The following USP3 variants were observed in gnomAD, a reference collection of about 807,000 sequenced individuals.
USP3 encodes the protein ubiquitin carboxyl-terminal hydrolase 3.
Under a neutral mutation model 72.3 loss-of-function variants are expected in USP3, and 20 were observed. The observed-to-expected ratio is 0.28, with a 90% CI of 0.19 to 0.40. The LOEUF (loss-of-function observed/expected upper bound fraction) is 0.40, where lower values mean the gene tolerates loss of function less well. USP3 is among the 10% of genes least tolerant of loss of function. The pLI, the probability that USP3 is intolerant of heterozygous loss-of-function variation, is 1.00. For missense variants in USP3, 479 were observed against 633.9 expected, an observed-to-expected ratio of 0.76 and a Z score of 2.62; for synonymous variants, 222 against 225.3, an observed-to-expected ratio of 0.99 and a Z score of 0.13.
chr15:63,547,385 A>C (rs1345433899), intron 3 of USP3, among the ~76,000 whole-genome samples: 4 of 152,158 alleles, frequency 2.6e-5, no homozygotes, highest in Non-Finnish European at 4.4e-5. Context: ...TAGTTGTAAA[A>C]ACCTAAAAAA....
rs74573277 is a variant in USP3, at chr15:63,593,403, G to C, written c.*2577G>C. The C allele has an allele frequency of 6.6e-6, 1 of 152,086 alleles. No individual in the cohort carries two copies. Among genetic ancestry groups the C allele is most frequent in the Non-Finnish European group, 1.5e-5 (1 of 68,030 alleles). 9.4% of individuals were successfully genotyped at this position (152,086 alleles called of 1,614,324 possible). On this transcript the variant is annotated 3_prime_UTR_variant, in exon 15 of 15. Coordinates refer to ENST00000380324, the MANE Select transcript of USP3 (RefSeq NM_006537.4). Reference sequence around the variant, plus strand: ...CTGTAACCTCTAACATTGATACTTCGATCTTCAGTCTCTCTGAATGGGCAG... The same window carrying C: ...CTGTAACCTCTAACATTGATACTTCCATCTTCAGTCTCTCTGAATGGGCAG...
chr15:63,580,464 T>C (rs1402901793), intron 11 of USP3, among the ~76,000 whole-genome samples: 1 of 151,776 alleles, frequency 6.6e-6, no homozygotes, highest in East Asian at 1.9e-4. Flanking sequence ...ACTGCTTTGC[T>C]AAATTAAATT....
At chr15:63,531,152 A>G (rs1250711265) in intron 1 of USP3, among the ~76,000 whole-genome samples, 1 of 152,216 alleles carries the variant, frequency 6.6e-6, no homozygotes. Flanking sequence ...TCCCTCAGGC[A>G]GTAATCACTG....
At chr15:63,512,358 C>CT (rs1567089158) in intron 1 of USP3, among the ~76,000 whole-genome samples, 4 of 107,470 alleles carry the variant, frequency 3.7e-5, no homozygotes, top group Non-Finnish European at 7.9e-5. Flanking sequence ...TCTTCCTCTT[C>CT]TTCTTCTTTC....
chr15:63,505,820 A>G (rs180820264), intron 1 of USP3, among the ~76,000 whole-genome samples: 5 of 152,194 alleles, frequency 3.3e-5, no homozygotes, highest in African/African-American at 7.2e-5. Flanking sequence ...ATAGCGTACA[A>G]TTCGAATTGT....
chr15:63,588,157 T>G lies in USP3; in HGVS notation c.1097-148T>G. The G allele has an allele frequency of 1.8e-6, 1 of 557,388 alleles. No individual in the cohort carries two copies. The highest frequency in any genetic ancestry group is 3.1e-6 in the Non-Finnish European group (1 of 320,672). 34.5% of individuals were successfully genotyped at this position (557,388 alleles called of 1,614,324 possible). On this transcript the variant is annotated intron_variant, in intron 11 of 14. Coordinates refer to ENST00000380324, the MANE Select transcript of USP3 (RefSeq NM_006537.4). The surrounding 1 kb of genome is among the most constrained non-coding windows in gnomAD (Gnocchi z 4.6). ...GTTCTTCAAAGTAGGTATTATTTTT[T>G]GTCTCCAGTTTGCAATTGAGAAAGG...
At chr15:63,513,631 T>A (rs780078979) in intron 1 of USP3, among the ~76,000 whole-genome samples, 3 of 152,202 alleles carry the variant, frequency 2.0e-5, no homozygotes, top group Non-Finnish European at 2.9e-5. Context: ...CACCTCAGCC[T>A]CCCAAAGTGC....
Position 63,559,920 on chromosome 15 carries a change from A to G in USP3, c.597A>G (p.Lys199=), listed in dbSNP as rs1595748382. 2 of 1,614,148 alleles carry G rather than the reference A, an allele frequency of 1.2e-6. No individual in the cohort carries two copies. Among genetic ancestry groups the G allele is most frequent in the East Asian group, 2.2e-5 (1 of 44,874 alleles). Residue 199 remains lysine, a synonymous_variant, in exon 7 of 15, where the codon AAA becomes AAG. Transcript: ENST00000380324. ...ELPAVELRNG[K]TAGRRTYHTR... is the part of the protein sequence containing the mutation. ...CCGCCGTGGAGTTAAGGAATGGGAA[A>G]ACAGCAGGAAGGCGGACATACCACA... is the stretch of plus-strand genomic sequence containing the variant.
chr15:63,587,685 A>G (rs931888976), intron 11 of USP3: 1 of 152,266 alleles, frequency 6.6e-6, no homozygotes, highest in Non-Finnish European at 1.5e-5. Flanking sequence ...GCAGCCAGAC[A>G]ATAATGTAAA....
intron 1 of USP3, among the ~76,000 whole-genome samples, chr15:63,505,756 G>A (rs553305771): frequency 6.6e-6 from 1 of 152,128 alleles, no homozygotes; most frequent in Non-Finnish European, 1.5e-5. Context: ...TGGTGCCACC[G>A]CTAGTCTTTG....
At position 63,588,404 on chromosome 15, in the gene USP3, G is replaced by T; in HGVS notation, c.1196G>T (p.Trp399Leu). ...AAACAAAAGTCCACAAAAAAGTTTTGGATTCAAAAACTACCCAAGGTGAGT... is the reference window on the plus strand; with the variant it reads ...AAACAAAAGTCCACAAAAAAGTTTTTGATTCAAAAACTACCCAAGGTGAGT... The part of the protein sequence containing the change: ...KKKQKSTKKF[W>L]IQKLPKVLCL... Residue 399 changes from tryptophan to leucine, a missense_variant, in exon 12 of 15, where the codon TGG (tryptophan) becomes TTG (leucine). Trp to Leu is a moderately conservative substitution (Grantham distance 61). Coordinates refer to ENST00000380324, the MANE Select transcript of USP3 (RefSeq NM_006537.4). This position sits in a 1 kb window ranked among gnomAD's most constrained non-coding sequence, Gnocchi z 4.6. 2 of 1,603,990 alleles carry T rather than the reference G, an allele frequency of 1.2e-6. No individual in the cohort carries two copies. Among genetic ancestry groups the T allele is most frequent in the South Asian group, 2.3e-5 (2 of 88,594 alleles).
At chr15:63,547,260 C>T (rs1327089820) in intron 3 of USP3, among the ~76,000 whole-genome samples, 2 of 152,190 alleles carry the variant, frequency 1.3e-5, no homozygotes. Context: ...ATATATACAA[C>T]TTGTATAATA....
intron 14 of USP3, among the ~76,000 whole-genome samples, chr15:63,589,724 C>A (rs1257523776): frequency 1.3e-5 from 2 of 152,068 alleles, no homozygotes; most frequent in Non-Finnish European, 2.9e-5. Context: ...TTCTCTGTAC[C>A]CCTATTATAT....
chr15:63,553,848 A>T lies in USP3; in HGVS notation c.368+50A>T. 2 of 1,480,496 alleles carry T rather than the reference A, an allele frequency of 1.4e-6. No individual in the cohort carries two copies. The highest frequency in any genetic ancestry group is 1.8e-6 in the Non-Finnish European group (2 of 1,089,134). 91.7% of individuals were successfully genotyped at this position (1,480,496 alleles called of 1,614,324 possible). On this transcript the variant is annotated intron_variant, in intron 4 of 14. Transcript: ENST00000380324. This position sits in a 1 kb window ranked among gnomAD's most constrained non-coding sequence, Gnocchi z 4.2. ...GAAGGGCCTAAGAATGGGGTTGAGG[A>T]GTCTTTTAGAATTTTTGAGTGGGGT...
intron 3 of USP3, among the ~76,000 whole-genome samples, chr15:63,539,705 G>A (rs967132872): frequency 6.6e-6 from 1 of 152,204 alleles, no homozygotes; most frequent in East Asian, 1.9e-4. Context: ...CCAGGCTTTT[G>A]TGTGAAGTTG....
intron 1 of USP3, among the ~76,000 whole-genome samples, chr15:63,527,089 G>T (rs575348842): frequency 1.6e-4 from 24 of 152,260 alleles, no homozygotes; most frequent in African/African-American, 5.8e-4. Flanking sequence ...TAGATATGGG[G>T]TTTCCCTGTG....
rs2067202146 is a variant in USP3, at chr15:63,591,642, C to G, written c.*816C>G. ...CGTCTGCCTCCTTTTGAATCAGTAT[C>G]TCATTCCCCCTTAGTTGTACCACTG... On this transcript the variant is annotated 3_prime_UTR_variant, in exon 15 of 15. Transcript: ENST00000380324. The G allele has an allele frequency of 6.6e-6, 1 of 152,152 alleles. No individual in the cohort carries two copies. Among genetic ancestry groups the G allele is most frequent in the African/African-American group, 2.4e-5 (1 of 41,404 alleles). The allele number at this position is 152,152 out of a possible 1,614,324, so 9.4% of individuals were successfully genotyped here. A position where few individuals can be genotyped will look rare whatever the true frequency, so the allele number is the denominator to read the frequency against.
At chr15:63,572,030 C>T (rs1055509370) in intron 9 of USP3, among the ~76,000 whole-genome samples, 2 of 152,154 alleles carry the variant, frequency 1.3e-5, no homozygotes, top group African/African-American at 4.8e-5. Context: ...AAATAAGTGG[C>T]AGATGTGATC....
intron 3 of USP3, 101 bp downstream of exon 3, chr15:63,537,257 C>T (rs1405690241): frequency 3.8e-6 from 5 of 1,325,204 alleles, no homozygotes; most frequent in Middle Eastern, 1.9e-4. Context: ...ACTGCTGTTA[C>T]CTCCTTTTAC....
Sources: allele counts gnomAD v4.1 joint callset (sites outside exome capture counted in the v4.1 genomes callset), GRCh38; gene constraint gnomAD v4.1.1; non-coding constraint Gnocchi (gnomAD v3.1); transcripts MANE v1.5; gene names NCBI Gene and HGNC (gene_info 2026-07-23, HGNC 2026-07-21).